MAGI2: variants seen among roughly 807,000 people sequenced by gnomAD.
MAGI2 encodes membrane associated guanylate kinase, WW and PDZ domain containing 2, also known as membrane-associated guanylate kinase, WW and PDZ domain-containing protein 2.
A neutral mutation model predicts 133.3 loss-of-function variants in MAGI2; 35 were observed. That is an observed-to-expected ratio of 0.26 (90% confidence interval 0.20 to 0.35). The LOEUF is 0.35. Ranked by LOEUF, MAGI2 falls within the 10% of genes least tolerant of loss-of-function variation. The probability of loss-of-function intolerance (pLI) is 1.00; values close to 1 mark genes in which losing one functional copy is unlikely to be tolerated. For missense variants in MAGI2, 1,636 were observed against 1,863.4 expected, an observed-to-expected ratio of 0.88 and a Z score of 2.25; for synonymous variants, 729 against 710.6, an observed-to-expected ratio of 1.03 and a Z score of -0.41.
At chr7:78,532,982 C>T (rs1389852312) in intron 3 of MAGI2, among the ~76,000 whole-genome samples, 1 of 151,290 alleles carries the variant, frequency 6.6e-6, no homozygotes, top group African/African-American at 2.4e-5. Flanking sequence ...TGCTCTGTTG[C>T]CCAGGCTGGA....
chr7:78,021,094 A>C (rs1808352101), intron 21 of MAGI2, among the ~76,000 whole-genome samples: 1 of 152,198 alleles, frequency 6.6e-6, no homozygotes, highest in South Asian at 2.1e-4. Context: ...GTAGAAGGAC[A>C]GATGTATTAG....
intron 1 of MAGI2, among the ~76,000 whole-genome samples, chr7:79,124,278 A>T (rs1367717489): frequency 6.6e-6 from 1 of 152,226 alleles, no homozygotes; most frequent in Non-Finnish European, 1.5e-5. Context: ...AAAACAAGTT[A>T]ATCATTAAAA....
Position 79,425,598 on chromosome 7 carries a change from A to G in MAGI2, c.301+27422T>C, listed in dbSNP as rs201056522. On this transcript the variant is annotated intron_variant, in intron 1 of 21. Transcript: ENST00000354212. ...GGGTTTTATATATATATATATATAT[A>G]TGTATATATATGTATATATACGTTT... is the stretch of plus-strand genomic sequence containing the variant. Among the ~76,000 whole-genome samples, 6 of 56,514 alleles carry G rather than the reference A, an allele frequency of 1.1e-4. No individual in the cohort carries two copies. In the African/African-American group the frequency reaches 1.2e-3, roughly 12 times the overall value. 37.1% of individuals were successfully genotyped at this position (56,514 alleles called of 152,430 possible). A position where few individuals can be genotyped will look rare whatever the true frequency, so the allele number is the denominator to read the frequency against.
At chr7:78,418,374 C>T (rs1798487893) in intron 6 of MAGI2, among the ~76,000 whole-genome samples, 11 of 151,964 alleles carry the variant, frequency 7.2e-5, no homozygotes, top group Admixed American at 7.2e-4. Context: ...CACTAGAAGG[C>T]AGGAAAGGTG....
At chr7:78,302,399 A>G (rs1797908091) in intron 9 of MAGI2, among the ~76,000 whole-genome samples, 1 of 152,204 alleles carries the variant, frequency 6.6e-6, no homozygotes, top group Admixed American at 6.5e-5. Flanking sequence ...CAGTGTGGTG[A>G]ATATTTCAAA....
At chr7:79,200,764 C>T (rs1415611690) in intron 1 of MAGI2, among the ~76,000 whole-genome samples, 1 of 151,856 alleles carries the variant, frequency 6.6e-6, no homozygotes, top group Non-Finnish European at 1.5e-5. Flanking sequence ...AAGACTAAAG[C>T]CCAAGCCTCT....
intron 20 of MAGI2, among the ~76,000 whole-genome samples, chr7:78,103,697 A>G (rs773940360): frequency 1.3e-5 from 2 of 152,238 alleles, no homozygotes; most frequent in Non-Finnish European, 2.9e-5. Flanking sequence ...TGCATATTCT[A>G]GAAATGTTTA....
intron 16 of MAGI2, among the ~76,000 whole-genome samples, chr7:78,147,416 G>T (rs183158152): frequency 3.9e-5 from 6 of 152,072 alleles, no homozygotes; most frequent in African/African-American, 1.4e-4. Flanking sequence ...CTGCTTATAT[G>T]TACTTTCTCT....
chr7:79,291,385 A>C (rs1309891446), intron 1 of MAGI2, among the ~76,000 whole-genome samples: 1 of 152,046 alleles, frequency 6.6e-6, no homozygotes, highest in Non-Finnish European at 1.5e-5. Context: ...TTTGTATACA[A>C]GTTTCTGTGT....
At chr7:79,336,999 G>GAA (rs3050603) in intron 1 of MAGI2, among the ~76,000 whole-genome samples, 93,112 of 148,420 alleles carry the variant, frequency 0.63, 29,561 homozygotes, top group Non-Finnish European at 0.69. Flanking sequence ...TTCTGTCACA[G>GAA]AAAAAAAAAA....
At chr7:78,950,125 A>G (rs1801748620) in intron 2 of MAGI2, among the ~76,000 whole-genome samples, 1 of 152,078 alleles carries the variant, frequency 6.6e-6, no homozygotes, top group East Asian at 1.9e-4. Flanking sequence ...GGGGTTAGAC[A>G]TGCATTTCAG....
intron 3 of MAGI2, among the ~76,000 whole-genome samples, chr7:78,593,479 G>A (rs1804263074): frequency 1.3e-5 from 2 of 152,216 alleles, no homozygotes; most frequent in African/African-American, 4.8e-5. Flanking sequence ...TCTGGTGGCA[G>A]TAGTGGACCA....
chr7:78,381,218 G>A (rs937203519), intron 6 of MAGI2, among the ~76,000 whole-genome samples: 2 of 152,030 alleles, frequency 1.3e-5, no homozygotes, highest in African/African-American at 2.4e-5. Context: ...GTTGTGGCGC[G>A]CATCTGTAAT....
chr7:78,260,036 G>A (rs937558290), intron 9 of MAGI2, among the ~76,000 whole-genome samples: 6 of 152,142 alleles, frequency 3.9e-5, no homozygotes, highest in African/African-American at 9.7e-5. Flanking sequence ...ATGAAGATAC[G>A]TAGAAGATTT....
chr7:78,881,050 T>G (rs1037223855), intron 2 of MAGI2, among the ~76,000 whole-genome samples: 3 of 152,126 alleles, frequency 2.0e-5, no homozygotes, highest in African/African-American at 7.2e-5. Flanking sequence ...CACCCAACAT[T>G]GGAGGACTCA....
At chr7:78,388,148 C>T (rs1416293783) in intron 6 of MAGI2, among the ~76,000 whole-genome samples, 1 of 151,936 alleles carries the variant, frequency 6.6e-6, no homozygotes, top group Non-Finnish European at 1.5e-5. Context: ...TTGCATAAGC[C>T]TCAGTTTATT....
rs143079787 is a variant in MAGI2 at position 78,247,837 on chromosome 7, A to G, written c.2047+8106T>C. ...AGTCCTGGGATACCATTAAATGAGA[A>G]AACATTTGTATTATGAGAGTTTCAG... On this transcript the variant is annotated intron_variant, in intron 10 of 21. Transcript: ENST00000354212. 2.2e-3 allele frequency among the ~76,000 whole-genome samples: 334 copies of G among 152,288 alleles called. 1 individual carries two copies. The highest frequency in any genetic ancestry group is 7.6e-3 in the African/African-American group (317 of 41,574).
chr7:79,113,342 A>T (rs1419557266), intron 1 of MAGI2, among the ~76,000 whole-genome samples: 1 of 152,128 alleles, frequency 6.6e-6, no homozygotes, highest in Non-Finnish European at 1.5e-5. Flanking sequence ...TTTGATTTAA[A>T]TTTCACTTCT....
chr7:78,755,816 A>G (rs1823890636), intron 2 of MAGI2, among the ~76,000 whole-genome samples: 1 of 152,200 alleles, frequency 6.6e-6, no homozygotes, highest in Non-Finnish European at 1.5e-5. Flanking sequence ...AGAACACCCC[A>G]GCTCAATAAA....
Sources: gnomAD v4.1 joint callset for allele counts (sites outside exome capture counted in the v4.1 genomes callset) on GRCh38, gnomAD v4.1.1 for gene constraint, MANE v1.5 for transcripts, NCBI Gene and HGNC (gene_info 2026-07-23, HGNC 2026-07-21) for gene names.